The following LRRK2 variants were observed in gnomAD, a reference collection of about 807,000 sequenced individuals.
LRRK2 encodes leucine rich repeat kinase 2.
In LRRK2, 203 loss-of-function variants were observed where a neutral mutation model predicts 302.6. The observed-to-expected ratio is 0.67, with a 90% CI of 0.60 to 0.75. The LOEUF is 0.75. Ranked by LOEUF, LRRK2 falls within the 30% of genes least tolerant of loss-of-function variation. The probability of loss-of-function intolerance (pLI) is 0.00; values close to 1 mark genes in which losing one functional copy is unlikely to be tolerated. For missense variants in LRRK2, 2,830 were observed against 2,951.0 expected (o/e 0.96, Z 0.95); for synonymous variants, 1,066 against 1,031.9 (o/e 1.03, Z -0.63).
At chr12:40,247,759 TACATATTTATACACA>T (rs1363354179) in intron 7 of LRRK2, among the ~76,000 whole-genome samples, 89 of 100,932 alleles carry the variant, frequency 8.8e-4, no homozygotes, top group African/African-American at 2.6e-3. Flanking sequence ...TATATAAATA[TACATATTTATACACA>T]GATGTATATA....
rs10878372 is a variant in LRRK2, at chr12:40,322,892, A to G, written c.5510-268A>G. On this transcript the variant is annotated intron_variant, in intron 37 of 50. Coordinates refer to ENST00000298910, the MANE Select transcript of LRRK2 (RefSeq NM_198578.4). ...TGAATGTGGCAAAAGCAGAGAGTAG[A>G]TAACTTTCTAGTCAGATGTCTGGTA... Among the ~76,000 whole-genome samples the G allele has an allele frequency of 0.15, 23,497 of 152,086 alleles. 2,241 individuals carry two copies. The highest frequency in any genetic ancestry group is 0.3 in the Middle Eastern group (88 of 294).
chr12:40,265,976 C>T (rs902642079), intron 14 of LRRK2, among the ~76,000 whole-genome samples: 9 of 152,192 alleles, frequency 5.9e-5, no homozygotes, highest in Admixed American at 5.2e-4. Context: ...TGGATCCCTT[C>T]CTTACACCTT....
intron 34 of LRRK2, among the ~76,000 whole-genome samples, chr12:40,320,498 TGA>T (rs1480216348): frequency 2.0e-5 from 3 of 151,968 alleles, no homozygotes; most frequent in Non-Finnish European, 4.4e-5. Context: ...TAAACAACAC[TGA>T]GAGAGTTTAT....
intron 22 of LRRK2, 33 bp from the exon 23 acceptor site, chr12:40,295,394 A>G: frequency 6.3e-7 from 1 of 1,582,546 alleles, no homozygotes; most frequent in Non-Finnish European, 8.6e-7. Context: ...TTATTTGCTT[A>G]TATTTCCATT....
intron 3 of LRRK2, 64 bp from the exon 4 acceptor site, chr12:40,235,562 G>A (rs1299603104): frequency 4.6e-6 from 5 of 1,085,668 alleles, no homozygotes; most frequent in Non-Finnish European, 7.1e-6. Flanking sequence ...CAAAAAAAAT[G>A]CAAATAAGCA....
At position 40,243,591 on chromosome 12, in the gene LRRK2, T is replaced by A. The variant is rs1398744563; in HGVS notation, c.748T>A (p.Tyr250Asn). The A allele has an allele frequency of 6.2e-7, 1 of 1,612,210 alleles. No individual in the cohort carries two copies. The highest frequency in any genetic ancestry group is 1.1e-5 in the South Asian group (1 of 91,058). ...EVLMSGNVRC[Y>N]NIVVEAMKAF... ...CCTCATGAGTGGCAATGTCAGGTGTTATAATATTGTGGTGGAAGCTATGAA... is the reference window on the plus strand; with the variant it reads ...CCTCATGAGTGGCAATGTCAGGTGTAATAATATTGTGGTGGAAGCTATGAA... The change falls in exon 7 of 51, where the codon TAT (tyrosine) becomes AAT (asparagine). Residue 250 changes from tyrosine to asparagine, a missense_variant. This residue lies in a region of LRRK2 where 2,121 missense variants were observed against 2,148.0 expected (regional missense o/e 0.99). Transcript: ENST00000298910.
chr12:40,254,278 C>T (rs1942405466), intron 11 of LRRK2, among the ~76,000 whole-genome samples: 1 of 152,156 alleles, frequency 6.6e-6, no homozygotes, highest in African/African-American at 2.4e-5. Context: ...AAAAATAAAG[C>T]AACCACCTCA....
At chr12:40,287,575 AT>A in intron 20 of LRRK2, 36 bp downstream of exon 20, 1 of 1,593,076 alleles carries the variant, frequency 6.3e-7, no homozygotes, top group Middle Eastern at 1.7e-4. Flanking sequence ...TATGCTTTAT[AT>A]TTACACACTG....
chr12:40,249,318 C>CTT (rs776724212), intron 7 of LRRK2, among the ~76,000 whole-genome samples: 11 of 138,898 alleles, frequency 7.9e-5, no homozygotes, highest in Non-Finnish European at 7.9e-5. Context: ...GGTGAAATAC[C>CTT]TTTTTTTTTT....
chr12:40,311,494 A>G (rs1289076321), intron 31 of LRRK2, among the ~76,000 whole-genome samples: 7 of 152,180 alleles, frequency 4.6e-5, no homozygotes, highest in South Asian at 2.1e-4. Flanking sequence ...GCTTAGCTCA[A>G]TAGCACTAAT....
At chr12:40,234,640 G>T (rs1166107141) in intron 3 of LRRK2, among the ~76,000 whole-genome samples, 1 of 152,030 alleles carries the variant, frequency 6.6e-6, no homozygotes, top group Non-Finnish European at 1.5e-5. Context: ...GCGTCCCAAA[G>T]TGCTGAGATT....
chr12:40,358,577 T>A (rs2137025714), intron 46 of LRRK2, among the ~76,000 whole-genome samples: 1 of 152,282 alleles, frequency 6.6e-6, no homozygotes, highest in East Asian at 1.9e-4. Context: ...TACATTGGTC[T>A]ACCTACCTGT....
chr12:40,358,377 CTT>C lies in LRRK2; in HGVS notation c.6844-881_6844-880del, dbSNP rs370775363. On this transcript the variant is annotated intron_variant, in intron 46 of 50. Coordinates refer to ENST00000298910, the MANE Select transcript of LRRK2 (RefSeq NM_198578.4). ...ATAGCTTCTGGTCTTACATTTAAGT[CTT>C]TAATCCATCTTGAGTTGAATTTTGT... 2.0e-5 allele frequency among the ~76,000 whole-genome samples: 3 copies of C among 152,236 alleles called. No homozygotes were observed. In the East Asian group the frequency reaches 5.8e-4, roughly 29 times the overall value.
intron 6 of LRRK2, among the ~76,000 whole-genome samples, chr12:40,241,462 T>A (rs931358708): frequency 2.6e-5 from 4 of 152,216 alleles, no homozygotes; most frequent in Admixed American, 2.6e-4. Flanking sequence ...CATATTCTGT[T>A]TTGTTTTGTA....
chr12:40,240,175 T>C (rs1941661574), intron 5 of LRRK2, among the ~76,000 whole-genome samples: 1 of 152,190 alleles, frequency 6.6e-6, no homozygotes, highest in Admixed American at 6.6e-5. Context: ...CTGTCAGTTT[T>C]CTCTAGAATT....
At chr12:40,276,496 G>T (rs942744001) in intron 16 of LRRK2, among the ~76,000 whole-genome samples, 1 of 152,056 alleles carries the variant, frequency 6.6e-6, no homozygotes, top group African/African-American at 2.4e-5. Flanking sequence ...GGGTTTCGCC[G>T]TGTTGGCCAG....
At chr12:40,322,637 G>C (rs1314161865) in intron 37 of LRRK2, 127 bp downstream of exon 37, 3 of 791,092 alleles carry the variant, frequency 3.8e-6, no homozygotes, top group Admixed American at 2.4e-5. Context: ...CAATTATAGG[G>C]ACAGTTCAGA....
At chr12:40,312,097 G>A (rs1945055394) in intron 31 of LRRK2, among the ~76,000 whole-genome samples, 1 of 151,926 alleles carries the variant, frequency 6.6e-6, no homozygotes, top group Non-Finnish European at 1.5e-5. Flanking sequence ...GGATGAGTTT[G>A]TTTTGAAAAG....
Position 40,354,340 on chromosome 12 carries a change from T to G in LRRK2, c.6618T>G (p.His2206Gln). The change falls in exon 45 of 51, where the codon CAT becomes CAG. Residue 2206 changes from histidine (H) to glutamine (Q), a missense_variant. Transcript: ENST00000298910. ...DSRILCLALVHLPVEKESWIV... is the reference protein window; with the variant it reads ...DSRILCLALVQLPVEKESWIV... Reference sequence around the variant, plus strand: ...GAATATTGTGCTTAGCCTTGGTGCATCTTCCTGTTGAAAAGGAAAGCTGGA... The same window carrying G: ...GAATATTGTGCTTAGCCTTGGTGCAGCTTCCTGTTGAAAAGGAAAGCTGGA... 1 of 1,614,174 alleles carries G rather than the reference T, an allele frequency of 6.2e-7. No homozygotes were observed. Among genetic ancestry groups the G allele is most frequent in the Non-Finnish European group, 8.5e-7 (1 of 1,180,018 alleles).
Sources: gnomAD v4.1 joint callset for allele counts (sites outside exome capture counted in the v4.1 genomes callset) on GRCh38, gnomAD v4.1.1 for gene constraint, gnomAD v4.1.1 regional missense constraint, MANE v1.5 for transcripts, NCBI Gene and HGNC (gene_info 2026-07-23, HGNC 2026-07-21) for gene names.